ELMO1: variants seen among roughly 807,000 people sequenced by gnomAD.
ELMO1 encodes engulfment and cell motility protein 1.
A neutral mutation model predicts 98.9 loss-of-function variants in ELMO1; 26 were observed. The ratio of observed to expected loss-of-function variants is 0.26; its 90% CI spans 0.19 to 0.36. The LOEUF is 0.36. Among genes scored for constraint, ELMO1 ranks in the 10% least tolerant of loss-of-function variants. The pLI is 1.00. For missense variants in ELMO1, 627 were observed against 935.2 expected (o/e 0.67, Z 4.30); for synonymous variants, 346 against 346.0 (o/e 1.00, Z 0.00).
chr7:37,163,696 C>T (rs2129331928), intron 13 of ELMO1, among the ~76,000 whole-genome samples: 1 of 152,320 alleles, frequency 6.6e-6, no homozygotes, highest in East Asian at 1.9e-4. Context: ...CATAGTATTC[C>T]ATGGTGTATA....
chr7:37,283,994 A>G (rs1457160407), intron 4 of ELMO1, among the ~76,000 whole-genome samples: 2 of 152,190 alleles, frequency 1.3e-5, no homozygotes, highest in Non-Finnish European at 2.9e-5. Context: ...TTCTGGACCC[A>G]TAAGAGTTCA....
chr7:36,933,311 T>C (rs1786207668), intron 16 of ELMO1, among the ~76,000 whole-genome samples: 1 of 152,132 alleles, frequency 6.6e-6, no homozygotes, highest in Admixed American at 6.5e-5. Flanking sequence ...ATCCATTTGG[T>C]CCAAGGTGCC....
intron 4 of ELMO1, among the ~76,000 whole-genome samples, chr7:37,276,474 G>A (rs989636725): frequency 2.6e-5 from 4 of 152,132 alleles, no homozygotes; most frequent in Non-Finnish European, 5.9e-5. Context: ...AGCCGGGCGT[G>A]GTGGCAGGCG....
chr7:36,854,969 T>C lies in ELMO1; in HGVS notation c.*582A>G, dbSNP rs1466340789. 6.2e-6 allele frequency: 1 copy of C among 160,474 alleles called. No homozygotes were observed. The highest frequency in any genetic ancestry group is 1.4e-5 in the Non-Finnish European group (1 of 72,524). The allele number at this position is 160,474 out of a possible 1,614,324, so 9.9% of individuals were successfully genotyped here. A position where few individuals can be genotyped will look rare whatever the true frequency, so the allele number is the denominator to read the frequency against. The stretch of plus-strand genomic sequence containing the variant: ...AGGATCACGAGGAGGCTGCGGCTGC[T>C]GCTCTTGGGACCAAAGAGGAACAGA... On this transcript the variant is annotated 3_prime_UTR_variant, in exon 22 of 22. Coordinates refer to ENST00000310758, the MANE Select transcript of ELMO1 (RefSeq NM_014800.11).
intron 13 of ELMO1, among the ~76,000 whole-genome samples, chr7:37,171,606 C>T (rs531118901): frequency 6.7e-6 from 1 of 149,962 alleles, no homozygotes; most frequent in South Asian, 2.1e-4. Flanking sequence ...CATTCTCCTG[C>T]CTCAGCATCC....
intron 4 of ELMO1, among the ~76,000 whole-genome samples, chr7:37,279,815 G>T (rs996540368): frequency 3.3e-5 from 5 of 152,162 alleles, no homozygotes; most frequent in African/African-American, 1.2e-4. Flanking sequence ...TGGTGGGAGT[G>T]AGACTGGCCC....
intron 16 of ELMO1, among the ~76,000 whole-genome samples, chr7:36,960,395 AATTTT>A (rs777709790): frequency 3.3e-5 from 5 of 151,998 alleles, no homozygotes; most frequent in South Asian, 2.1e-4. Flanking sequence ...GGCTTCTTAA[AATTTT>A]ATTTTATTTT....
At chr7:37,167,223 T>TGC (rs1789773990) in intron 13 of ELMO1, among the ~76,000 whole-genome samples, 4 of 150,980 alleles carry the variant, frequency 2.6e-5, no homozygotes, top group Non-Finnish European at 5.9e-5. Context: ...ATTTTGAGCC[T>TGC]ATGTGTGTCT....
At chr7:37,381,154 C>T (rs1802562815) in intron 1 of ELMO1, among the ~76,000 whole-genome samples, 1 of 152,208 alleles carries the variant, frequency 6.6e-6, no homozygotes, top group Non-Finnish European at 1.5e-5. Flanking sequence ...CAAATAGATA[C>T]TAGCAAGTAA....
At chr7:37,438,829 TG>T (rs1403684429) in intron 1 of ELMO1, among the ~76,000 whole-genome samples, 2 of 152,232 alleles carry the variant, frequency 1.3e-5, no homozygotes, top group Non-Finnish European at 2.9e-5. Flanking sequence ...ACAGGAGATC[TG>T]AACCCTCCAT....
At chr7:36,986,363 T>C (rs1431105797) in intron 16 of ELMO1, 2 of 645,602 alleles carry the variant, frequency 3.1e-6, no homozygotes, top group Non-Finnish European at 3.8e-6. Flanking sequence ...TAGTGTCCTA[T>C]GCTCTTTTGT....
intron 17 of ELMO1, 87 bp downstream of exon 17, chr7:36,894,767 C>A: frequency 1.9e-6 from 3 of 1,558,476 alleles, no homozygotes; most frequent in Non-Finnish European, 8.8e-7. Flanking sequence ...GAGCTCACAA[C>A]ACAGCCCAGC....
At chr7:37,296,369 C>A (rs903827822) in intron 4 of ELMO1, among the ~76,000 whole-genome samples, 1 of 152,172 alleles carries the variant, frequency 6.6e-6, no homozygotes, top group African/African-American at 2.4e-5. Context: ...TGGCAGTTCG[C>A]TATTTCTCGG....
chr7:37,194,325 T>C (rs549290608), intron 13 of ELMO1, among the ~76,000 whole-genome samples: 1 of 152,346 alleles, frequency 6.6e-6, no homozygotes, highest in South Asian at 2.1e-4. Flanking sequence ...CTGCATCTCC[T>C]ATCTGCAGAA....
At chr7:36,899,817 T>C (rs1806359657) in intron 16 of ELMO1, among the ~76,000 whole-genome samples, 1 of 151,852 alleles carries the variant, frequency 6.6e-6, no homozygotes, top group South Asian at 2.1e-4. Context: ...TTCCTCCTTC[T>C]AAGCCTTAGT....
intron 16 of ELMO1, among the ~76,000 whole-genome samples, chr7:36,989,876 G>A (rs1055636741): frequency 2.6e-5 from 4 of 152,192 alleles, no homozygotes; most frequent in Admixed American, 1.3e-4. Context: ...TATGTGAAAC[G>A]TCATAAGTTT....
At chr7:36,952,879 C>T (rs1424897301) in intron 16 of ELMO1, among the ~76,000 whole-genome samples, 1 of 150,070 alleles carries the variant, frequency 6.7e-6, no homozygotes, top group Non-Finnish European at 1.5e-5. Flanking sequence ...CAAAGCATTT[C>T]TTAGGTGACC....
At chr7:37,258,519 T>C (rs1795814910) in intron 6 of ELMO1, among the ~76,000 whole-genome samples, 1 of 152,156 alleles carries the variant, frequency 6.6e-6, no homozygotes, top group South Asian at 2.1e-4. Flanking sequence ...TTACACGCAA[T>C]AGAATTCTGC....
intron 16 of ELMO1, among the ~76,000 whole-genome samples, chr7:36,926,480 T>C (rs1785585496): frequency 6.6e-6 from 1 of 151,694 alleles, no homozygotes; most frequent in Non-Finnish European, 1.5e-5. Context: ...CCCCCTAGAG[T>C]CCCATGGGAG....
Sources: gnomAD v4.1 joint callset for allele counts (sites outside exome capture counted in the v4.1 genomes callset) on GRCh38, gnomAD v4.1.1 for gene constraint, MANE v1.5 for transcripts, NCBI Gene and HGNC (gene_info 2026-07-23, HGNC 2026-07-21) for gene names.